C12orf42: variants seen among roughly 807,000 people sequenced by gnomAD.
C12orf42 encodes chromosome 12 open reading frame 42.
Under a neutral mutation model 21.6 loss-of-function variants are expected in C12orf42, and 25 were observed. The observed-to-expected ratio is 1.16, with a 90% confidence interval of 0.84 to 1.62. The LOEUF (loss-of-function observed/expected upper bound fraction) is 1.62, where lower values mean the gene tolerates loss of function less well. Ranked by LOEUF, C12orf42 falls within the 40% of genes most tolerant of loss-of-function variation. The probability of loss-of-function intolerance (pLI) is 0.00; values close to 1 mark genes in which losing one functional copy is unlikely to be tolerated. For synonymous variants in C12orf42, 174 were observed against 175.0 expected (o/e 0.99, Z 0.05); for missense variants, 483 against 459.3 (o/e 1.05, Z -0.47).
intron 2 of C12orf42, among the ~76,000 whole-genome samples, chr12:103,450,676 G>A (rs914192422): frequency 5.3e-5 from 8 of 152,218 alleles, no homozygotes; most frequent in African/African-American, 1.9e-4. Flanking sequence ...CTCTCCAGGA[G>A]TGGCTCCCAA....
At chr12:103,558,993 C>G in the C12orf42 span, 2 of 152,102 alleles carry the variant, frequency 1.3e-5, no homozygotes, top group African/African-American at 2.4e-5. Context: ...TTGTTCAAAC[C>G]CTGCACATTT....
chr12:103,134,673 A>G, the C12orf42 span, among the ~76,000 whole-genome samples: 1 of 152,178 alleles, frequency 6.6e-6, no homozygotes, highest in African/African-American at 2.4e-5. Context: ...AGGTGAAGAG[A>G]AAAGCATTAG....
chr12:103,076,247 TAAA>T, the C12orf42 span, among the ~76,000 whole-genome samples: 1 of 151,282 alleles, frequency 6.6e-6, no homozygotes, highest in African/African-American at 2.4e-5. Context: ...ATAATAATAA[TAAA>T]GAAATCAACA....
At chr12:103,447,563 C>T (rs955529877) in intron 2 of C12orf42, among the ~76,000 whole-genome samples, 3 of 151,960 alleles carry the variant, frequency 2.0e-5, no homozygotes, top group South Asian at 4.2e-4. Context: ...ATCCAAAAAG[C>T]TCTTAAAACT....
At chr12:103,485,440 G>C (rs1044036432) in intron 1 of C12orf42, among the ~76,000 whole-genome samples, 3 of 152,188 alleles carry the variant, frequency 2.0e-5, no homozygotes, top group African/African-American at 7.2e-5. Context: ...GCTTAGGATT[G>C]TCTTGGCAAT....
At chr12:103,085,514 C>T in the C12orf42 span, among the ~76,000 whole-genome samples, 1 of 151,842 alleles carries the variant, frequency 6.6e-6, no homozygotes, top group East Asian at 1.9e-4. Context: ...GTCACTGTGC[C>T]TGCTGCAAAA....
At chr12:103,135,382 C>G in the C12orf42 span, among the ~76,000 whole-genome samples, 25 of 151,740 alleles carry the variant, frequency 1.6e-4, no homozygotes, top group Admixed American at 1.5e-3. Flanking sequence ...GGCTTCAGCC[C>G]CAAAGCGGAG....
the C12orf42 span, among the ~76,000 whole-genome samples, chr12:103,053,023 C>G: frequency 3.3e-5 from 5 of 152,104 alleles, no homozygotes; most frequent in African/African-American, 1.2e-4. Flanking sequence ...GCCGATGCCA[C>G]AATATCTTAG....
At chr12:103,066,092 G>T in the C12orf42 span, among the ~76,000 whole-genome samples, 31 of 152,254 alleles carry the variant, frequency 2.0e-4, no homozygotes, top group Non-Finnish European at 3.7e-4. Context: ...TTTGGAGCAA[G>T]GCCCTGTCAT....
At chr12:103,541,685 G>A in the C12orf42 span, among the ~76,000 whole-genome samples, 11 of 152,206 alleles carry the variant, frequency 7.2e-5, no homozygotes, top group South Asian at 4.1e-4. Context: ...CTGTGAAACA[G>A]TATTCTGGCA....
At chr12:103,296,579 T>C (rs554860350) in intron 4 of C12orf42, among the ~76,000 whole-genome samples, 59 of 152,324 alleles carry the variant, frequency 3.9e-4, no homozygotes, top group African/African-American at 1.4e-3. Flanking sequence ...TGGTATCTCA[T>C]TGTGGTTTTG....
the C12orf42 span, among the ~76,000 whole-genome samples, chr12:103,506,680 A>G: frequency 6.7e-6 from 1 of 148,980 alleles, no homozygotes; most frequent in Non-Finnish European, 1.5e-5. Context: ...CGCATTTCTC[A>G]GTAATGTTCC....
the C12orf42 span, among the ~76,000 whole-genome samples, chr12:103,082,306 G>A: frequency 6.6e-6 from 1 of 152,198 alleles, no homozygotes; most frequent in Admixed American, 6.5e-5. Flanking sequence ...AGAGTAGCAA[G>A]TATAAACCAG....
At chr12:103,510,290 G>C in the C12orf42 span, among the ~76,000 whole-genome samples, 7 of 152,198 alleles carry the variant, frequency 4.6e-5, no homozygotes, top group Non-Finnish European at 8.8e-5. Context: ...CTCACTCATA[G>C]TTGGGAGCTA....
At chr12:103,434,593 C>G (rs1484468238) in intron 2 of C12orf42, among the ~76,000 whole-genome samples, 49 of 152,262 alleles carry the variant, frequency 3.2e-4, no homozygotes, top group African/African-American at 1.1e-3. Context: ...ACCTGGGAAG[C>G]ACAAGGGGTC....
chr12:103,094,872 CTAAGT>C, the C12orf42 span, among the ~76,000 whole-genome samples: 3 of 152,036 alleles, frequency 2.0e-5, no homozygotes, highest in Admixed American at 6.6e-5. Flanking sequence ...AATTCCTGAG[CTAAGT>C]AGTGTTGAGT....
chr12:103,539,017 G>A, the C12orf42 span, among the ~76,000 whole-genome samples: 31 of 152,160 alleles, frequency 2.0e-4, no homozygotes, highest in African/African-American at 2.9e-4. Flanking sequence ...TACAAATAGA[G>A]CAAAATGAAA....
chr12:103,319,250 T>C (rs184514615), intron 4 of C12orf42, among the ~76,000 whole-genome samples: 21 of 152,334 alleles, frequency 1.4e-4, no homozygotes, highest in African/African-American at 4.8e-4. Context: ...GCGAAAATGT[T>C]TTCCCCTCAT....
chr12:103,475,743 G>T (rs995252507), intron 2 of C12orf42, among the ~76,000 whole-genome samples: 1 of 152,172 alleles, frequency 6.6e-6, no homozygotes, highest in African/African-American at 2.4e-5. Flanking sequence ...AGAGTCCTTG[G>T]TTCAACACTT....
Sources: gnomAD v4.1 joint callset for allele counts (sites outside exome capture counted in the v4.1 genomes callset) on GRCh38, gnomAD v4.1.1 for gene constraint, MANE v1.5 for transcripts, NCBI Gene and HGNC (gene_info 2026-07-23, HGNC 2026-07-21) for gene names.